The following KCTD1 variants were observed in gnomAD, a reference collection of about 807,000 sequenced individuals.
KCTD1 encodes the protein BTB/POZ domain-containing protein KCTD1.
In KCTD1, 24 loss-of-function variants were observed where a neutral mutation model predicts 66.0. That is an observed-to-expected ratio of 0.36 (90% CI 0.26 to 0.51). KCTD1 has a LOEUF of 0.51. Ranked by LOEUF, KCTD1 falls within the 20% of genes least tolerant of loss-of-function variation. The pLI, the probability that KCTD1 is intolerant of heterozygous loss-of-function variation, is 0.95. For synonymous variants in KCTD1, 511 were observed against 517.2 expected (o/e 0.99, Z 0.16); for missense variants, 943 against 1,205.2 (o/e 0.78, Z 3.22).
At chr18:26,517,413 T>C (rs1348196018) in intron 1 of KCTD1, among the ~76,000 whole-genome samples, 1 of 152,130 alleles carries the variant, frequency 6.6e-6, no homozygotes, top group African/African-American at 2.4e-5. Flanking sequence ...CCCAACACTT[T>C]GGGAGGCTGA....
chr18:26,622,677 T>G (rs1276862925), intron 1 of KCTD1, among the ~76,000 whole-genome samples: 1 of 151,488 alleles, frequency 6.6e-6, no homozygotes, highest in Non-Finnish European at 1.5e-5. Context: ...AGAGCCTAGT[T>G]TGGGTGGCAG....
chr18:26,621,559 A>C (rs1041382621), intron 1 of KCTD1, among the ~76,000 whole-genome samples: 2 of 152,114 alleles, frequency 1.3e-5, no homozygotes, highest in African/African-American at 2.4e-5. Context: ...CAGAGGAAAG[A>C]AGCAGCTCAT....
chr18:26,653,340 C>T (rs1355309898), intron 1 of KCTD1, among the ~76,000 whole-genome samples: 1 of 152,132 alleles, frequency 6.6e-6, no homozygotes, highest in African/African-American at 2.4e-5. Flanking sequence ...TCTTTTTTCT[C>T]CCTGGAACTT....
At chr18:26,520,033 A>G (rs1225551507) in intron 1 of KCTD1, among the ~76,000 whole-genome samples, 2 of 152,236 alleles carry the variant, frequency 1.3e-5, no homozygotes, top group Admixed American at 6.5e-5. Flanking sequence ...ATCTCACAAT[A>G]CACTTAACTA....
chr18:26,466,685 T>C (rs184055526), intron 3 of KCTD1, among the ~76,000 whole-genome samples: 2 of 152,320 alleles, frequency 1.3e-5, no homozygotes, highest in East Asian at 3.9e-4. Context: ...CTCACCTTGA[T>C]ACAATGATCA....
chr18:26,657,158 G>A (rs1283195239), intron 1 of KCTD1, among the ~76,000 whole-genome samples: 2 of 151,608 alleles, frequency 1.3e-5, no homozygotes, highest in Admixed American at 6.6e-5. Flanking sequence ...AACCGGGAGC[G>A]GCAGCCCCGG....
At chr18:26,623,693 A>G (rs1449353207) in intron 1 of KCTD1, among the ~76,000 whole-genome samples, 1 of 152,248 alleles carries the variant, frequency 6.6e-6, no homozygotes, top group Non-Finnish European at 1.5e-5. Context: ...GCATAAGAAC[A>G]GACTAATAGA....
chr18:26,549,853 G>C, upstream of KCTD1: 2 of 968,122 alleles, frequency 2.1e-6, no homozygotes, highest in Non-Finnish European at 2.5e-6. Context: ...TCCCATAGGA[G>C]ACACTGCCCC....
intron 4 of KCTD1, chr18:26,456,962 A>G (rs976596918): frequency 6.6e-6 from 1 of 151,842 alleles, no homozygotes; most frequent in Non-Finnish European, 1.5e-5. Context: ...CCACCTCAAA[A>G]AAACTTTTAT....
chr18:26,599,534 G>A, intron 1 of KCTD1: 1 of 1,548,938 alleles, frequency 6.5e-7, no homozygotes, highest in Non-Finnish European at 8.9e-7. Flanking sequence ...CCGTGGGTCT[G>A]TGGAAAACAT....
chr18:26,494,492 A>G (rs1982366286), intron 2 of KCTD1, among the ~76,000 whole-genome samples: 1 of 152,220 alleles, frequency 6.6e-6, no homozygotes, highest in East Asian at 1.9e-4. Context: ...TTTAAAAATA[A>G]GGCCTTTTTT....
At chr18:26,488,574 A>T (rs1982032379) in intron 2 of KCTD1, among the ~76,000 whole-genome samples, 1 of 152,174 alleles carries the variant, frequency 6.6e-6, no homozygotes, top group African/African-American at 2.4e-5. Flanking sequence ...CTCAGCTCCG[A>T]TCACAGAAAC....
At chr18:26,470,756 G>C (rs186402169) in intron 3 of KCTD1, among the ~76,000 whole-genome samples, 1 of 152,332 alleles carries the variant, frequency 6.6e-6, no homozygotes, top group Admixed American at 6.5e-5. Context: ...GAGAGTCAGG[G>C]GTACAGGTGA....
At chr18:26,654,760 T>G (rs188728528) in intron 1 of KCTD1, among the ~76,000 whole-genome samples, 156 of 152,350 alleles carry the variant, frequency 1.0e-3, no homozygotes, top group African/African-American at 3.7e-3. Context: ...GTTTTCTCCG[T>G]GATGCAAAGT....
chr18:26,513,232 C>T (rs1330401816), intron 1 of KCTD1, among the ~76,000 whole-genome samples: 2 of 151,780 alleles, frequency 1.3e-5, no homozygotes, highest in Admixed American at 6.6e-5. Flanking sequence ...GGACTACAGG[C>T]GCCCGCAACC....
chr18:26,546,857 C>G lies in KCTD1; in HGVS notation c.1680G>C (p.Ser560=). 1 of 1,511,022 alleles carries G rather than the reference C, an allele frequency of 6.6e-7. No homozygotes were observed. Among genetic ancestry groups the G allele is most frequent in the South Asian group, 1.3e-5 (1 of 75,382 alleles). 93.6% of individuals were successfully genotyped at this position (1,511,022 alleles called of 1,614,324 possible). A position where few individuals can be genotyped will look rare whatever the true frequency, so the allele number is the denominator to read the frequency against. Residue 560 remains serine, a synonymous_variant, in exon 1 of 5, where the codon TCG becomes TCC. Transcript: ENST00000580059. ...CCACCACCACCGCATCCACAGGCTC[C>G]GAGGGGCGGATACAAAGTCTTTTGG... is the stretch of plus-strand genomic sequence containing the variant. The part of the protein sequence containing the change: ...TSPKRLCIRP[S]EPVDAVVVVS...
chr18:26,552,661 T>C (rs1334832207), upstream of KCTD1, among the ~76,000 whole-genome samples: 3 of 152,206 alleles, frequency 2.0e-5, no homozygotes, highest in African/African-American at 7.2e-5. Context: ...TAGAAACTTA[T>C]TGCAGAAGTA....
At chr18:26,619,887 C>G (rs1488920626) in intron 1 of KCTD1, among the ~76,000 whole-genome samples, 1 of 152,136 alleles carries the variant, frequency 6.6e-6, no homozygotes, top group African/African-American at 2.4e-5. Flanking sequence ...GACAAGTGGC[C>G]TTCTCATTTA....
intron 1 of KCTD1, among the ~76,000 whole-genome samples, chr18:26,617,411 C>A (rs952759210): frequency 6.6e-6 from 1 of 152,170 alleles, no homozygotes; most frequent in East Asian, 1.9e-4. Flanking sequence ...TCTCCCATGC[C>A]GTGTTTGAGG....
Sources: gnomAD v4.1 joint callset for allele counts (sites outside exome capture counted in the v4.1 genomes callset) on GRCh38, gnomAD v4.1.1 for gene constraint, MANE v1.5 for transcripts, NCBI Gene and HGNC (gene_info 2026-07-23, HGNC 2026-07-21) for gene names.